MIPOL1: variants seen among roughly 807,000 people sequenced by gnomAD.
The protein encoded by MIPOL1 is mirror-image polydactyly 1.
MIPOL1 carries 57 observed loss-of-function variants against 60.9 expected under a neutral mutation model. That is an observed-to-expected ratio of 0.94 (90% CI 0.76 to 1.17). The LOEUF (loss-of-function observed/expected upper bound fraction) is 1.17, where lower values mean the gene tolerates loss of function less well. Ranked by LOEUF, MIPOL1 falls within the 50% of genes most tolerant of loss-of-function variation. MIPOL1 has a pLI of 0.00. For synonymous variants in MIPOL1, 179 were observed against 168.8 expected (o/e 1.06, Z -0.47); for missense variants, 551 against 511.6 (o/e 1.08, Z -0.74).
intron 9 of MIPOL1, among the ~76,000 whole-genome samples, chr14:37,338,016 A>G (rs2090305163): frequency 6.6e-6 from 1 of 151,744 alleles, no homozygotes; most frequent in Non-Finnish European, 1.5e-5. Context: ...TAGTTGTATG[A>G]CCTACTTTAA....
chr14:37,276,465 A>G (rs769051531), intron 6 of MIPOL1: 2 of 151,080 alleles, frequency 1.3e-5, no homozygotes, highest in Non-Finnish European at 3.0e-5. Flanking sequence ...TATAGCAAGT[A>G]TATCAAGACA....
chr14:37,529,069 C>G (rs556365361), intron 12 of MIPOL1, among the ~76,000 whole-genome samples: 1 of 152,282 alleles, frequency 6.6e-6, no homozygotes, highest in South Asian at 2.1e-4. Flanking sequence ...GTATGAATAA[C>G]TCTTTCAACT....
intron 9 of MIPOL1, among the ~76,000 whole-genome samples, chr14:37,343,607 A>G (rs2090733163): frequency 1.3e-5 from 2 of 152,200 alleles, no homozygotes; most frequent in South Asian, 2.1e-4. Flanking sequence ...CAGATTGTGC[A>G]GGAGGAAAAC....
chr14:37,534,040 A>G (rs1295890780), intron 12 of MIPOL1, among the ~76,000 whole-genome samples: 1 of 149,672 alleles, frequency 6.7e-6, no homozygotes, highest in African/African-American at 2.5e-5. Flanking sequence ...GTGAGCCAAG[A>G]TCATGCCACT....
chr14:37,456,623 T>C (rs1214110416), intron 11 of MIPOL1, among the ~76,000 whole-genome samples: 1 of 152,152 alleles, frequency 6.6e-6, no homozygotes, highest in African/African-American at 2.4e-5. Flanking sequence ...AAAATTTAAT[T>C]TAATTTAAAT....
intron 10 of MIPOL1, among the ~76,000 whole-genome samples, chr14:37,398,356 T>G (rs2093417894): frequency 6.6e-6 from 1 of 152,186 alleles, no homozygotes; most frequent in Non-Finnish European, 1.5e-5. Context: ...GCACTCTACT[T>G]CCTTCACAGG....
chr14:37,388,439 C>T lies in MIPOL1; in HGVS notation c.936+18815C>T, dbSNP rs984771745. ...CTTATCGTTCACATAGTTGAAAAGA[C>T]CAAGGACAGGGCTAACTTCCAGAGA... On this transcript the variant is annotated intron_variant, in intron 10 of 12. Coordinates refer to ENST00000684589, the MANE Select transcript of MIPOL1 (RefSeq NM_001388067.1). Among the ~76,000 whole-genome samples, 4 of 151,238 alleles carry T rather than the reference C, an allele frequency of 2.6e-5. No individual in the cohort carries two copies. The East Asian group carries it at 5.8e-4, about 22-fold the overall frequency.
intron 10 of MIPOL1, among the ~76,000 whole-genome samples, chr14:37,393,029 A>G (rs959182566): frequency 1.3e-5 from 2 of 152,090 alleles, no homozygotes; most frequent in African/African-American, 4.8e-5. Context: ...TGGTGTTCTT[A>G]TAAGAAGAGA....
chr14:37,521,910 A>ATATT (rs572835469), intron 12 of MIPOL1, among the ~76,000 whole-genome samples: 56 of 132,768 alleles, frequency 4.2e-4, no homozygotes, highest in African/African-American at 1.0e-3. Context: ...ATATATATAT[A>ATATT]TTTTTTTTTT....
chr14:37,371,962 A>T (rs1417811999), intron 10 of MIPOL1, among the ~76,000 whole-genome samples: 5 of 152,166 alleles, frequency 3.3e-5, no homozygotes, highest in Admixed American at 6.5e-5. Context: ...ATTTGTAAGT[A>T]TCATTTTTTG....
chr14:37,304,051 T>G (rs1012506558), intron 7 of MIPOL1, among the ~76,000 whole-genome samples: 29 of 151,798 alleles, frequency 1.9e-4, no homozygotes, highest in African/African-American at 7.0e-4. Flanking sequence ...AGAGTGTGTT[T>G]TAGAGTACAT....
intron 7 of MIPOL1, among the ~76,000 whole-genome samples, chr14:37,285,985 C>G (rs758028341): frequency 1.3e-5 from 2 of 152,180 alleles, no homozygotes; most frequent in Admixed American, 6.5e-5. Flanking sequence ...GCACATCACT[C>G]TCAATACAAT....
chr14:37,244,387 C>T (rs574090765), intron 1 of MIPOL1, among the ~76,000 whole-genome samples: 1 of 151,880 alleles, frequency 6.6e-6, no homozygotes, highest in African/African-American at 2.4e-5. Flanking sequence ...TCCCAAAGTG[C>T]TGGGATTACA....
chr14:37,275,029 T>G (rs2083548833), intron 6 of MIPOL1, among the ~76,000 whole-genome samples: 1 of 151,270 alleles, frequency 6.6e-6, no homozygotes, highest in Non-Finnish European at 1.5e-5. Context: ...GAATTTTTAT[T>G]TATTATTTAA....
chr14:37,510,277 T>C (rs1299181558), intron 12 of MIPOL1, among the ~76,000 whole-genome samples: 1 of 152,056 alleles, frequency 6.6e-6, no homozygotes, highest in Non-Finnish European at 1.5e-5. Context: ...GACAGGGTCT[T>C]GCTCTGTTGC....
chr14:37,479,486 T>G (rs930387238), intron 11 of MIPOL1, among the ~76,000 whole-genome samples: 3 of 152,110 alleles, frequency 2.0e-5, no homozygotes, highest in Non-Finnish European at 4.4e-5. Flanking sequence ...AAAAATATCT[T>G]GAGACAAATG....
chr14:37,490,995 T>C (rs1006645188), intron 11 of MIPOL1, among the ~76,000 whole-genome samples: 1 of 152,184 alleles, frequency 6.6e-6, no homozygotes, highest in African/African-American at 2.4e-5. Context: ...AATTTGACAG[T>C]ATAAATTTTT....
intron 1 of MIPOL1, among the ~76,000 whole-genome samples, chr14:37,208,129 T>C (rs1966389948): frequency 6.6e-6 from 1 of 152,288 alleles, no homozygotes; most frequent in South Asian, 2.1e-4. Flanking sequence ...TTATACTGTT[T>C]TGGATGCATA....
chr14:37,496,979 G>A (rs1240313853), intron 11 of MIPOL1, among the ~76,000 whole-genome samples: 1 of 151,470 alleles, frequency 6.6e-6, no homozygotes, highest in Non-Finnish European at 1.5e-5. Context: ...ACAGAACAGA[G>A]CCCTCAGAAA....
Sources: allele counts gnomAD v4.1 joint callset (sites outside exome capture counted in the v4.1 genomes callset), GRCh38; gene constraint gnomAD v4.1.1; transcripts MANE v1.5; gene names NCBI Gene and HGNC (gene_info 2026-07-23, HGNC 2026-07-21).